MYLK: variants seen among roughly 807,000 people sequenced by gnomAD.
MYLK encodes the protein myosin light chain kinase, smooth muscle.
In MYLK, 106 loss-of-function variants were observed where a neutral mutation model predicts 203.4. That is an observed-to-expected ratio of 0.52 (90% confidence interval 0.45 to 0.61). MYLK has a LOEUF of 0.61. Among genes scored for constraint, MYLK ranks in the 20% least tolerant of loss-of-function variants. The probability of loss-of-function intolerance (pLI) is 0.00; values close to 1 mark genes in which losing one functional copy is unlikely to be tolerated. For synonymous variants in MYLK, 867 were observed against 959.5 expected, an observed-to-expected ratio of 0.90 and a Z score of 1.78; for missense variants, 2,072 against 2,442.3, an observed-to-expected ratio of 0.85 and a Z score of 3.20.
chr3:123,800,733 G>A (rs78798873), intron 3 of MYLK, among the ~76,000 whole-genome samples: 2,292 of 152,268 alleles, frequency 0.015, 52 homozygotes, highest in African/African-American at 0.052. Context: ...CATCCGAATC[G>A]GCAATGACAT....
chr3:123,723,516 G>A (rs772058478), intron 12 of MYLK, among the ~76,000 whole-genome samples: 8 of 152,142 alleles, frequency 5.3e-5, no homozygotes, highest in Admixed American at 2.6e-4. Flanking sequence ...CCTGACTGCC[G>A]CCAATGTGTC....
In MYLK at chr3:123,610,591, G is replaced by T. The variant is rs150114506; in HGVS notation, c.*3514C>A. 2.6e-5 allele frequency: 4 copies of T among 152,228 alleles called. No individual in the cohort carries two copies. In the East Asian group the frequency reaches 7.7e-4, roughly 29 times the overall value. The allele number at this position is 152,228 out of a possible 1,614,324, so 9.4% of individuals were successfully genotyped here. A position where few individuals can be genotyped will look rare whatever the true frequency, so the allele number is the denominator to read the frequency against. Reference sequence around the variant, plus strand: ...CATGGCCCCATCTAACCAGGAAGCCGAGAGTGAAGCCCTAACTCTGTGCAG... The same window carrying T: ...CATGGCCCCATCTAACCAGGAAGCCTAGAGTGAAGCCCTAACTCTGTGCAG... On this transcript the variant is annotated 3_prime_UTR_variant, in exon 34 of 34. Coordinates refer to ENST00000360304, the MANE Select transcript of MYLK (RefSeq NM_053025.4).
rs769601826 is a variant in MYLK, at chr3:123,700,794, C to T, written c.2674G>A (p.Val892Met). Reference sequence around the variant, plus strand: ...AGGTCTCGGAAGTCCAGCTGCTCCACCTCCTGCTGGCGGATCGCCTCCTCA... The same window carrying T: ...AGGTCTCGGAAGTCCAGCTGCTCCATCTCCTGCTGGCGGATCGCCTCCTCA... ...HTEEAIRQQEVEQLDFRDLLG... is the reference protein window; with the variant it reads ...HTEEAIRQQEMEQLDFRDLLG... The change falls in exon 18 of 34, where the codon GTG (valine) becomes ATG (methionine). Residue 892 changes from valine to methionine, a missense_variant. Coordinates refer to ENST00000360304, the MANE Select transcript of MYLK (RefSeq NM_053025.4). The T allele has an allele frequency of 2.5e-6, 4 of 1,614,248 alleles. No homozygotes were observed. The highest frequency in any genetic ancestry group is 3.4e-6 in the Non-Finnish European group (4 of 1,180,046).
chr3:123,772,039 A>G (rs2063901356), intron 4 of MYLK, among the ~76,000 whole-genome samples: 1 of 152,182 alleles, frequency 6.6e-6, no homozygotes, highest in African/African-American at 2.4e-5. Flanking sequence ...CTGTTTCCAT[A>G]TCTAGTAGCT....
At chr3:123,880,870 G>C (rs908474312) in intron 1 of MYLK, among the ~76,000 whole-genome samples, 4 of 152,154 alleles carry the variant, frequency 2.6e-5, no homozygotes, top group Admixed American at 6.5e-5. Context: ...AAATTTCATG[G>C]GGGCTGCAGC....
Position 123,752,648 on chromosome 3 carries a change from G to A in MYLK, c.166-110C>T, listed in dbSNP as rs187591818. ...TGTTAACTCATTTAATCCTCATAAC[G>A]CCCCCATTTCATCCTCATTTTACAG... On this transcript the variant is annotated intron_variant, in intron 4 of 33. Transcript: ENST00000360304. 3.8e-4 allele frequency: 396 copies of A among 1,055,324 alleles called. 1 individual carries two copies. The African/African-American group carries it at 5.0e-3, about 13-fold the overall frequency. The allele number at this position is 1,055,324 out of a possible 1,614,324, so 65.4% of individuals were successfully genotyped here.
At chr3:123,680,425 T>C (rs1424969649) in intron 20 of MYLK, among the ~76,000 whole-genome samples, 2 of 152,192 alleles carry the variant, frequency 1.3e-5, no homozygotes, top group Non-Finnish European at 2.9e-5. Flanking sequence ...CTACATTCTC[T>C]ATCTCTTCTG....
At position 123,629,544 on chromosome 3, in the gene MYLK, C is replaced by G. The variant is rs140456660; in HGVS notation, c.5044G>C (p.Asp1682His). 2 of 1,614,174 alleles carry G rather than the reference C, an allele frequency of 1.2e-6. No individual in the cohort carries two copies. The highest frequency in any genetic ancestry group is 3.3e-4 in the Middle Eastern group (2 of 6,060). The change falls in exon 30 of 34, where the codon GAC becomes CAC. Residue 1682 changes from aspartate to histidine, a missense_variant. Asp to His is a moderately conservative substitution (Grantham distance 81, BLOSUM62 -1). Transcript: ENST00000360304. The surrounding 1 kb of genome is among the most constrained non-coding windows in gnomAD (Gnocchi z 4.4). ...TCGGAGATCTCATCGAATGCCTCGT[C>G]GTCGAAGTCCCAGGTGGCTGAGGTA... ...NVTSATWDFD[D>H]EAFDEISDDA...
intron 2 of MYLK, among the ~76,000 whole-genome samples, chr3:123,853,819 A>G (rs1403393906): frequency 1.3e-5 from 2 of 152,140 alleles, no homozygotes; most frequent in Admixed American, 6.6e-5. Flanking sequence ...ACTCTGATAG[A>G]TTCCAAAAAC....
intron 2 of MYLK, among the ~76,000 whole-genome samples, chr3:123,834,492 G>GC (rs1235199687): frequency 2.6e-5 from 4 of 152,048 alleles, no homozygotes; most frequent in Admixed American, 6.6e-5. Flanking sequence ...AAGTTGAGTT[G>GC]CCCTCATCAC....
intron 33 of MYLK, chr3:123,616,440 T>C (rs191874360): frequency 6.6e-6 from 1 of 152,336 alleles, no homozygotes; most frequent in African/African-American, 2.4e-5. Context: ...AGGTACATAG[T>C]ATATACATGT....
intron 4 of MYLK, among the ~76,000 whole-genome samples, chr3:123,758,967 G>A (rs1327265290): frequency 3.9e-5 from 6 of 152,106 alleles, no homozygotes; most frequent in Admixed American, 3.9e-4. Flanking sequence ...TGGGACTATA[G>A]GCATATGCCA....
At chr3:123,709,092 G>A in intron 14 of MYLK, 197 bp from the exon 15 acceptor site, 2 of 490,230 alleles carry the variant, frequency 4.1e-6, no homozygotes, top group Non-Finnish European at 3.6e-6. Context: ...TTTGAATAGT[G>A]CAACTGAGAA....
chr3:123,772,928 A>G, intron 4 of MYLK, among the ~76,000 whole-genome samples: 1 of 151,980 alleles, frequency 6.6e-6, no homozygotes, highest in East Asian at 1.9e-4. Context: ...TTTCCTATAA[A>G]ATTGGCATAG....
chr3:123,637,014 G>T (rs903054622), intron 29 of MYLK, among the ~76,000 whole-genome samples: 1 of 152,144 alleles, frequency 6.6e-6, no homozygotes, highest in African/African-American at 2.4e-5. Flanking sequence ...CATCAGAATC[G>T]CCCAGAACCT....
chr3:123,835,120 A>G (rs2066442709), intron 2 of MYLK, among the ~76,000 whole-genome samples: 1 of 152,246 alleles, frequency 6.6e-6, no homozygotes. Context: ...AGTGTTTCTC[A>G]AAGTGTGGTC....
At chr3:123,692,678 G>C in intron 19 of MYLK, 57 bp downstream of exon 19, 1 of 1,324,352 alleles carries the variant, frequency 7.6e-7, no homozygotes, top group Non-Finnish European at 1.1e-6. Context: ...AGGAAGGGAG[G>C]GGCTGAGAAA....
At chr3:123,713,838 A>C (rs144480962) in intron 13 of MYLK, among the ~76,000 whole-genome samples, 1 of 152,298 alleles carries the variant, frequency 6.6e-6, no homozygotes, top group African/African-American at 2.4e-5. Flanking sequence ...AACTTATGGC[A>C]ACATAATACT....
At chr3:123,626,962 G>C (rs927877788) in intron 30 of MYLK, 21 bp from the exon 31 acceptor site, 19 of 1,613,816 alleles carry the variant, frequency 1.2e-5, no homozygotes, top group East Asian at 2.2e-5. Flanking sequence ...CAGAGATCAG[G>C]AGATTTTTGA....
Sources: allele counts gnomAD v4.1 joint callset (sites outside exome capture counted in the v4.1 genomes callset), GRCh38; gene constraint gnomAD v4.1.1; non-coding constraint Gnocchi (gnomAD v3.1); transcripts MANE v1.5; gene names NCBI Gene and HGNC (gene_info 2026-07-23, HGNC 2026-07-21).